ADCY8: variants seen among roughly 807,000 people sequenced by gnomAD.
ADCY8 encodes adenylate cyclase type 8.
A neutral mutation model predicts 119.7 loss-of-function variants in ADCY8; 51 were observed. That is an observed-to-expected ratio of 0.43 (90% CI 0.34 to 0.54). ADCY8 has a LOEUF of 0.54. ADCY8 is among the 20% of genes least tolerant of loss of function. ADCY8 has a pLI of 0.03. For missense variants in ADCY8, 1,383 were observed against 1,598.8 expected, an observed-to-expected ratio of 0.87 and a Z score of 2.30; for synonymous variants, 665 against 651.0, an observed-to-expected ratio of 1.02 and a Z score of -0.33.
chr8:130,884,804 C>T, intron 7 of ADCY8, 43 bp from the exon 8 acceptor site: 5 of 1,572,014 alleles, frequency 3.2e-6, no homozygotes, highest in Non-Finnish European at 4.4e-6. Context: ...CTGCTAGTCC[C>T]CTTTAGATAA....
Position 130,780,760 on chromosome 8 carries a change from C to T in ADCY8, c.3386G>A (p.Arg1129Gln), listed in dbSNP as rs372297753. The stretch of plus-strand genomic sequence containing the variant: ...ATAGGTCTCCTCTGGGACTTGGATC[C>T]GGCCACTAACCCCCGTGCTGTCCAT... The part of the protein sequence containing the change: ...SRMDSTGVSG[R>Q]IQVPEETYLI... Residue 1129 changes from arginine (R) to glutamine (Q), a missense_variant, in exon 18 of 18, where the codon CGG (arginine) becomes CAG (glutamine). Physicochemically the swap from Arg to Gln is conservative, Grantham distance 43. This residue lies in a region of ADCY8 where 928 missense variants were observed against 1,163.5 expected (regional missense o/e 0.80). Transcript: ENST00000286355. 110 of 1,614,200 alleles carry T rather than the reference C, an allele frequency of 6.8e-5. No homozygotes were observed. The highest frequency in any genetic ancestry group is 4.9e-4 in the Middle Eastern group (3 of 6,062).
At chr8:130,929,426 A>C (rs1015696948) in intron 5 of ADCY8, among the ~76,000 whole-genome samples, 3 of 152,096 alleles carry the variant, frequency 2.0e-5, no homozygotes, top group African/African-American at 7.2e-5. Context: ...TTTAATTTCA[A>C]TGTATTTGTG....
intron 5 of ADCY8, among the ~76,000 whole-genome samples, chr8:130,917,977 T>A (rs1820180405): frequency 6.6e-6 from 1 of 152,214 alleles, no homozygotes; most frequent in Admixed American, 6.5e-5. Flanking sequence ...AGTGCTTCAC[T>A]GCCTGGATTC....
At chr8:130,875,494 A>T (rs1479224554) in intron 8 of ADCY8, among the ~76,000 whole-genome samples, 1 of 152,248 alleles carries the variant, frequency 6.6e-6, no homozygotes, top group Non-Finnish European at 1.5e-5. Flanking sequence ...TCTAAATAAG[A>T]CATGGAGTGG....
rs200101562 is a variant in ADCY8, at chr8:130,869,550, C to T, written c.2110-1604G>A. ...TGTTTTTTTTTGAGACAGAGTCTCGCTCTGTCGCCCAGGCTGGAGTGCAGT... is the reference window on the plus strand; with the variant it reads ...TGTTTTTTTTTGAGACAGAGTCTCGTTCTGTCGCCCAGGCTGGAGTGCAGT... On this transcript the variant is annotated intron_variant, in intron 8 of 17. Transcript: ENST00000286355. Among the ~76,000 whole-genome samples the T allele has an allele frequency of 3.5e-5, 5 of 142,604 alleles. No individual in the cohort carries two copies. In the East Asian group the frequency reaches 1.0e-3, roughly 29 times the overall value. The allele number at this position is 142,604 out of a possible 152,430, so 93.6% of individuals were successfully genotyped here. A position where few individuals can be genotyped will look rare whatever the true frequency, so the allele number is the denominator to read the frequency against.
At chr8:130,843,889 G>T (rs1271382930) in intron 11 of ADCY8, among the ~76,000 whole-genome samples, 1 of 152,126 alleles carries the variant, frequency 6.6e-6, no homozygotes, top group Non-Finnish European at 1.5e-5. Flanking sequence ...ACACCATAAG[G>T]GTATGTGAGA....
intron 1 of ADCY8, among the ~76,000 whole-genome samples, chr8:131,028,966 T>C (rs1450999691): frequency 6.6e-6 from 1 of 152,124 alleles, no homozygotes; most frequent in African/African-American, 2.4e-5. Flanking sequence ...TGATTTCCAG[T>C]GTGCTTGCAC....
intron 11 of ADCY8, among the ~76,000 whole-genome samples, chr8:130,841,534 C>T (rs1166588343): frequency 6.6e-6 from 1 of 152,160 alleles, no homozygotes; most frequent in Non-Finnish European, 1.5e-5. Context: ...CCACTACACA[C>T]CAAAAACTGT....
At chr8:130,804,382 G>A (rs1458426008) in intron 14 of ADCY8, among the ~76,000 whole-genome samples, 2 of 152,166 alleles carry the variant, frequency 1.3e-5, no homozygotes, top group Non-Finnish European at 2.9e-5. Context: ...TAGGGCACCA[G>A]TCATGTTGGG....
intron 2 of ADCY8, among the ~76,000 whole-genome samples, chr8:130,986,871 C>G (rs1434318817): frequency 2.6e-5 from 4 of 152,210 alleles, no homozygotes; most frequent in African/African-American, 9.6e-5. Context: ...TAATATTCCA[C>G]TTAAGAGGTT....
intron 5 of ADCY8, among the ~76,000 whole-genome samples, chr8:130,936,524 G>A (rs1388422862): frequency 6.6e-6 from 1 of 152,046 alleles, no homozygotes; most frequent in Non-Finnish European, 1.5e-5. Flanking sequence ...GCACATCCTG[G>A]TTTCTGTACA....
At chr8:130,830,164 T>C (rs1816788086) in intron 12 of ADCY8, among the ~76,000 whole-genome samples, 1 of 152,148 alleles carries the variant, frequency 6.6e-6, no homozygotes, top group Non-Finnish European at 1.5e-5. Flanking sequence ...TTTCCTCTAA[T>C]TGAAAAGCAG....
intron 11 of ADCY8, among the ~76,000 whole-genome samples, chr8:130,846,827 T>C (rs1817330383): frequency 2.9e-5 from 2 of 67,886 alleles, no homozygotes; most frequent in African/African-American, 6.7e-5. Context: ...CTTTCCTTCC[T>C]TCCCTCCCCT....
intron 2 of ADCY8, among the ~76,000 whole-genome samples, chr8:130,957,021 G>A (rs1821449041): frequency 6.6e-6 from 1 of 152,186 alleles, no homozygotes; most frequent in Non-Finnish European, 1.5e-5. Flanking sequence ...TACCGGGACT[G>A]GGGCGTTGCT....
intron 8 of ADCY8, among the ~76,000 whole-genome samples, chr8:130,874,152 A>G (rs1001184907): frequency 2.0e-5 from 3 of 152,042 alleles, no homozygotes; most frequent in African/African-American, 7.2e-5. Flanking sequence ...TGCTAAAAAT[A>G]CAAAAATTAG....
intron 15 of ADCY8, among the ~76,000 whole-genome samples, chr8:130,799,647 C>T (rs931290292): frequency 1.2e-4 from 18 of 152,194 alleles, no homozygotes; most frequent in African/African-American, 4.3e-4. Context: ...GCTAGGTACC[C>T]CTACCAGGGC....
chr8:130,927,352 T>C lies in ADCY8; in HGVS notation c.1481+9721A>G, dbSNP rs376644170. 1.4e-4 allele frequency among the ~76,000 whole-genome samples: 21 copies of C among 152,280 alleles called. 1 individual carries two copies. The South Asian group carries it at 4.4e-3, about 32-fold the overall frequency. ...CATTTCCCTGATGATTAGTGATGTTTAACTTTTTAAAAAATATACCTGTTG... is the reference window on the plus strand; with the variant it reads ...CATTTCCCTGATGATTAGTGATGTTCAACTTTTTAAAAAATATACCTGTTG... On this transcript the variant is annotated intron_variant, in intron 5 of 17. Transcript: ENST00000286355.
chr8:130,943,277 TC>T, intron 4 of ADCY8, 73 bp downstream of exon 4: 1 of 1,065,550 alleles, frequency 9.4e-7, no homozygotes, highest in Non-Finnish European at 1.4e-6. Context: ...GAAGGCTGAA[TC>T]CTTCTCTTTC....
At chr8:130,955,735 G>A (rs1016882663) in intron 2 of ADCY8, among the ~76,000 whole-genome samples, 12 of 152,104 alleles carry the variant, frequency 7.9e-5, no homozygotes, top group African/African-American at 2.9e-4. Flanking sequence ...ACCCATAGTG[G>A]GTTTCCTTTT....
Sources: allele counts gnomAD v4.1 joint callset (sites outside exome capture counted in the v4.1 genomes callset), GRCh38; gene constraint gnomAD v4.1.1; regional missense constraint gnomAD v4.1.1; transcripts MANE v1.5; gene names NCBI Gene and HGNC (gene_info 2026-07-23, HGNC 2026-07-21).